RARB: variants seen among roughly 807,000 people sequenced by gnomAD.
RARB encodes retinoic acid receptor beta.
A neutral mutation model predicts 51.9 loss-of-function variants in RARB; 17 were observed. That is an observed-to-expected ratio of 0.33 (90% CI 0.22 to 0.49). The LOEUF is 0.49. Ranked by LOEUF, RARB falls within the 20% of genes least tolerant of loss-of-function variation. The pLI, the probability that RARB is intolerant of heterozygous loss-of-function variation, is 0.99. For missense variants in RARB, 369 were observed against 550.8 expected, an observed-to-expected ratio of 0.67 and a Z score of 3.30; for synonymous variants, 215 against 195.4, an observed-to-expected ratio of 1.10 and a Z score of -0.84.
intron 3 of RARB, among the ~76,000 whole-genome samples, chr3:25,110,770 T>A (rs1463638848): frequency 2.6e-5 from 4 of 152,182 alleles, no homozygotes; most frequent in African/African-American, 9.7e-5. Context: ...CAATCAAGTG[T>A]TAGTGGTAAG....
intron 1 of RARB, among the ~76,000 whole-genome samples, chr3:24,838,912 G>T (rs1310895999): frequency 2.2e-5 from 3 of 137,210 alleles, no homozygotes; most frequent in Non-Finnish European, 4.6e-5. Context: ...CTGGAAATCT[G>T]TGTAAAATCT....
At chr3:24,860,324 CT>C (rs1192419852) in intron 2 of RARB, among the ~76,000 whole-genome samples, 1 of 152,202 alleles carries the variant, frequency 6.6e-6, no homozygotes, top group Non-Finnish European at 1.5e-5. Flanking sequence ...ACCTCCCAAC[CT>C]TTCTCACCTC....
At chr3:24,867,002 C>T (rs1702861713) in intron 2 of RARB, among the ~76,000 whole-genome samples, 1 of 151,912 alleles carries the variant, frequency 6.6e-6, no homozygotes, top group African/African-American at 2.4e-5. Context: ...GTCTGGAGGT[C>T]CAAGTGGAGC....
At chr3:25,535,521 A>G (rs1218638579) in intron 3 of RARB, among the ~76,000 whole-genome samples, 1 of 151,112 alleles carries the variant, frequency 6.6e-6, no homozygotes, top group Non-Finnish European at 1.5e-5. Flanking sequence ...TCAGCCCCTC[A>G]TCTTCATTAG....
intron 3 of RARB, among the ~76,000 whole-genome samples, chr3:25,566,506 G>A (rs544956328): frequency 6.0e-4 from 91 of 152,336 alleles, no homozygotes; most frequent in Non-Finnish European, 1.2e-3. Context: ...TCACAGTTGT[G>A]ATTTTGCAAA....
At position 25,501,248 on chromosome 3, in the gene RARB, A is replaced by G. The variant is rs750831068; in HGVS notation, c.373A>G (p.Ile125Val). 6.8e-6 allele frequency: 11 copies of G among 1,612,412 alleles called. No homozygotes were observed. In the African/African-American group the frequency reaches 1.5e-4, roughly 22 times the overall value. ...TTGTCACCGAGATAAGAACTGTGTT[A>G]TTAATAAAGTCACCAGGAATCGATG... ...YTCHRDKNCV[I>V]NKVTRNRCQY... Residue 125 changes from isoleucine to valine, a missense_variant, in exon 3 of 8, where the codon ATT becomes GTT. By Grantham distance (29) the Ile-to-Val change is conservative. This residue lies in a region of RARB where 26 missense variants were observed against 28.8 expected (regional missense o/e 0.90). Transcript: ENST00000330688.
intron 2 of RARB, among the ~76,000 whole-genome samples, chr3:24,919,289 AAATT>A (rs1695168499): frequency 6.6e-6 from 1 of 152,194 alleles, no homozygotes. Context: ...GAGTTGTGTT[AAATT>A]AAGTTTAGCC....
At chr3:25,222,347 GAT>G (rs1559511654) in intron 5 of RARB, among the ~76,000 whole-genome samples, 1 of 152,094 alleles carries the variant, frequency 6.6e-6, no homozygotes, top group East Asian at 1.9e-4. Flanking sequence ...TCTTATTGCT[GAT>G]GTTCTTACTC....
At position 25,054,593 on chromosome 3, in the gene RARB, A is replaced by T. The variant is rs575105341; in HGVS notation, c.-379-5532A>T. 2.0e-5 allele frequency among the ~76,000 whole-genome samples: 3 copies of T among 152,306 alleles called. No individual in the cohort carries two copies. The South Asian group carries it at 6.2e-4, about 32-fold the overall frequency. On this transcript the variant is annotated intron_variant, in intron 2 of 11. Coordinates refer to the RARB transcript ENST00000383772. ...AAGGCTGACTCTCAACAGTGTGTAT[A>T]TAAATATTTCCTAGCACTTGCCCCT...
intron 2 of RARB, among the ~76,000 whole-genome samples, chr3:24,871,357 A>T (rs1702944428): frequency 6.6e-6 from 1 of 152,120 alleles, no homozygotes; most frequent in South Asian, 2.1e-4. Context: ...CTCACTCTTC[A>T]TCCTATTTTA....
At chr3:25,440,478 A>T (rs1170381357) in intron 1 of RARB, among the ~76,000 whole-genome samples, 5 of 151,488 alleles carry the variant, frequency 3.3e-5, no homozygotes, top group South Asian at 2.1e-4. Flanking sequence ...AATTTATTTA[A>T]AAAAAAAATC....
At chr3:25,584,299 G>C (rs565745361) in intron 5 of RARB, among the ~76,000 whole-genome samples, 1 of 152,130 alleles carries the variant, frequency 6.6e-6, no homozygotes. Flanking sequence ...TTCTCCTGGT[G>C]GGGGGACACA....
chr3:24,883,393 TG>T, intron 2 of RARB, among the ~76,000 whole-genome samples: 1 of 149,482 alleles, frequency 6.7e-6, no homozygotes, highest in Non-Finnish European at 1.5e-5. Flanking sequence ...TGTGTGTGTG[TG>T]TTTAAACCAC....
At chr3:25,448,063 A>T (rs1385262590) in intron 1 of RARB, among the ~76,000 whole-genome samples, 1 of 151,944 alleles carries the variant, frequency 6.6e-6, no homozygotes, top group Non-Finnish European at 1.5e-5. Flanking sequence ...CTATCATTTT[A>T]TACAAGCAGA....
At chr3:25,142,841 T>C (rs558018272) in intron 4 of RARB, among the ~76,000 whole-genome samples, 3 of 152,244 alleles carry the variant, frequency 2.0e-5, no homozygotes, top group African/African-American at 7.2e-5. Flanking sequence ...GGAGAAAATG[T>C]GGCCACTGAG....
intron 5 of RARB, among the ~76,000 whole-genome samples, chr3:25,325,272 T>A (rs1704680822): frequency 6.6e-6 from 1 of 152,124 alleles, no homozygotes; most frequent in Admixed American, 6.6e-5. Context: ...CATTATAATT[T>A]GCGTGTAATG....
chr3:25,246,310 G>A (rs61157418), intron 5 of RARB, among the ~76,000 whole-genome samples: 1,678 of 152,134 alleles, frequency 0.011, 34 homozygotes, highest in African/African-American at 0.038. Context: ...ATCTTCTGAA[G>A]CCTAATTCTG....
chr3:24,969,838 G>T (rs1010509477), intron 2 of RARB, among the ~76,000 whole-genome samples: 2 of 152,038 alleles, frequency 1.3e-5, no homozygotes, highest in African/African-American at 4.8e-5. Context: ...CAGTTTCATT[G>T]TTAAATATAC....
intron 3 of RARB, among the ~76,000 whole-genome samples, chr3:25,113,686 C>A (rs1699640354): frequency 1.3e-5 from 2 of 152,132 alleles, no homozygotes; most frequent in Admixed American, 6.5e-5. Flanking sequence ...GTTTTGCAGA[C>A]AGTCCTGACC....
Sources: gnomAD v4.1 joint callset for allele counts (sites outside exome capture counted in the v4.1 genomes callset) on GRCh38, gnomAD v4.1.1 for gene constraint, gnomAD v4.1.1 regional missense constraint, MANE v1.5 for transcripts, NCBI Gene and HGNC (gene_info 2026-07-23, HGNC 2026-07-21) for gene names.